The following ITGB5 variants were observed in gnomAD, a reference collection of about 807,000 sequenced individuals.
The protein encoded by ITGB5 is integrin subunit beta 5, also known as integrin beta-5.
A neutral mutation model predicts 84.8 loss-of-function variants in ITGB5; 38 were observed. The observed-to-expected ratio is 0.45, with a 90% confidence interval of 0.35 to 0.59. The LOEUF is 0.59. Among genes scored for constraint, ITGB5 ranks in the 20% least tolerant of loss-of-function variants. ITGB5 has a pLI of 0.01. For synonymous variants in ITGB5, 393 were observed against 414.4 expected (o/e 0.95, Z 0.63); for missense variants, 905 against 1,034.5 (o/e 0.87, Z 1.72).
intron 11 of ITGB5, among the ~76,000 whole-genome samples, chr3:124,772,047 G>A (rs2063853089): frequency 6.6e-6 from 1 of 151,560 alleles, no homozygotes; most frequent in African/African-American, 2.4e-5. Context: ...AGAAGCATAG[G>A]CTCAAAAAGG....
chr3:124,807,984 G>T (rs199613766), intron 9 of ITGB5, among the ~76,000 whole-genome samples: 3 of 132,100 alleles, frequency 2.3e-5, no homozygotes, highest in Admixed American at 7.7e-5. Context: ...AAAAAAAGAG[G>T]TATGTCTGTG....
chr3:124,764,430 T>G lies in ITGB5; in HGVS notation c.2265A>C (p.Ala755=), dbSNP rs1450104662. The G allele has an allele frequency of 1.2e-6, 2 of 1,613,678 alleles. No individual in the cohort carries two copies. Among genetic ancestry groups the G allele is most frequent in the Non-Finnish European group, 1.7e-6 (2 of 1,179,732 alleles). Residue 755 remains alanine, a synonymous_variant, in exon 14 of 15, where the codon GCA becomes GCC. Transcript: ENST00000296181. ...CCCTGGATCGCTCGCTCTGAAACTT[T>G]GCAAACTCCCTCCGGTCGTGGATGG... ...LVTIHDRREF[A]KFQSERSRAR...
At chr3:124,793,197 C>A (rs2064173926) in intron 10 of ITGB5, 1 of 152,206 alleles carries the variant, frequency 6.6e-6, no homozygotes, top group Non-Finnish European at 1.5e-5. Context: ...GCCTGATGAA[C>A]TGTGGAGATG....
At chr3:124,889,311 G>T (rs550679067), upstream of ITGB5, among the ~76,000 whole-genome samples, 1 of 152,344 alleles carries the variant, frequency 6.6e-6, no homozygotes, top group African/African-American at 2.4e-5. Context: ...GGACCCAAAA[G>T]AATGCAACCT....
At position 124,839,035 on chromosome 3, in the gene ITGB5, G is replaced by A. The variant is rs139625508; in HGVS notation, c.780+2348C>T. On this transcript the variant is annotated intron_variant, in intron 5 of 14. Coordinates refer to ENST00000296181, the MANE Select transcript of ITGB5 (RefSeq NM_002213.5). Reference sequence around the variant, plus strand: ...GAAGGATGACATGTTTTATAAGTAGGTGATGTCAAGTGAGAAATAAATTGC... The same window carrying A: ...GAAGGATGACATGTTTTATAAGTAGATGATGTCAAGTGAGAAATAAATTGC... 1.2e-3 allele frequency among the ~76,000 whole-genome samples: 184 copies of A among 152,328 alleles called. 1 individual carries two copies. The highest frequency in any genetic ancestry group is 4.2e-3 in the African/African-American group (174 of 41,564).
intron 2 of ITGB5, among the ~76,000 whole-genome samples, chr3:124,872,334 T>C (rs1934097455): frequency 6.6e-6 from 1 of 152,212 alleles, no homozygotes; most frequent in Admixed American, 6.5e-5. Context: ...GTTATTTTAC[T>C]GCTCTGAGTC....
At chr3:124,807,814 C>T (rs144645478) in intron 9 of ITGB5, among the ~76,000 whole-genome samples, 3,747 of 151,214 alleles carry the variant, frequency 0.025, 176 homozygotes, top group African/African-American at 0.086. Context: ...GGCTGGCGGG[C>T]GCCTGTAGTC....
intron 5 of ITGB5, among the ~76,000 whole-genome samples, chr3:124,838,392 A>G (rs1356098148): frequency 6.6e-6 from 1 of 152,146 alleles, no homozygotes; most frequent in Non-Finnish European, 1.5e-5. Context: ...TTTGTTTGCA[A>G]AACAGAAGTA....
At chr3:124,880,949 G>C (rs1272240862) in intron 1 of ITGB5, among the ~76,000 whole-genome samples, 1 of 151,712 alleles carries the variant, frequency 6.6e-6, no homozygotes, top group African/African-American at 2.4e-5. Context: ...AAAAAAGAAA[G>C]GGAAAAAGAA....
chr3:124,788,022 C>G (rs1007003716), intron 10 of ITGB5, among the ~76,000 whole-genome samples: 2 of 151,814 alleles, frequency 1.3e-5, no homozygotes, highest in Non-Finnish European at 1.5e-5. Flanking sequence ...GTCCTCCTAC[C>G]TCAGCCTCCC....
chr3:124,768,750 C>T (rs1309561805), intron 12 of ITGB5, among the ~76,000 whole-genome samples: 1 of 152,216 alleles, frequency 6.6e-6, no homozygotes, highest in East Asian at 1.9e-4. Flanking sequence ...ATCCTCTAGG[C>T]TGTATACCTG....
intron 1 of ITGB5, among the ~76,000 whole-genome samples, chr3:124,884,527 C>T (rs928311535): frequency 6.6e-6 from 1 of 152,086 alleles, no homozygotes; most frequent in African/African-American, 2.4e-5. Flanking sequence ...ATGGTGAAAC[C>T]CTGTCTCTAC....
intron 11 of ITGB5, chr3:124,770,069 A>G (rs1308690084): frequency 6.6e-6 from 1 of 152,284 alleles, no homozygotes; most frequent in Non-Finnish European, 1.5e-5. Flanking sequence ...CTGGGAGAAC[A>G]GGATTCCTGA....
chr3:124,831,928 T>C (rs2064865775), intron 5 of ITGB5, among the ~76,000 whole-genome samples: 1 of 152,100 alleles, frequency 6.6e-6, no homozygotes, highest in African/African-American at 2.4e-5. Context: ...AAATTAGGAA[T>C]GAGAAGGCAG....
At position 124,763,922 on chromosome 3, in the gene ITGB5, C is replaced by T. The variant is rs114318938; in HGVS notation, c.2305-204G>A. ...GCCTTCTCTAAGCTTTCACTATCCA[C>T]CTCTGGAAGGAGGAGTTGGGTCAGA... On this transcript the variant is annotated intron_variant, in intron 14 of 14. Coordinates refer to ENST00000296181, the MANE Select transcript of ITGB5 (RefSeq NM_002213.5). Among the ~76,000 whole-genome samples, 1,053 of 152,322 alleles carry T rather than the reference C, an allele frequency of 6.9e-3. 8 individuals carry two copies. The highest frequency in any genetic ancestry group is 0.023 in the African/African-American group (967 of 41,576).
chr3:124,900,326 C>T (rs900444009), intron 1 of ITGB5, among the ~76,000 whole-genome samples: 7 of 152,050 alleles, frequency 4.6e-5, no homozygotes, highest in Non-Finnish European at 8.8e-5. Flanking sequence ...TCATAATTAT[C>T]GTGAGAATTA....
upstream of ITGB5, among the ~76,000 whole-genome samples, chr3:124,892,453 G>A (rs900343703): frequency 2.0e-5 from 3 of 151,274 alleles, no homozygotes; most frequent in East Asian, 5.8e-4. Context: ...GGGAGGAAGG[G>A]GGGAGGGAGG....
At chr3:124,800,942 A>G (rs1048834684) in intron 9 of ITGB5, among the ~76,000 whole-genome samples, 1 of 152,150 alleles carries the variant, frequency 6.6e-6, no homozygotes. Flanking sequence ...CGGTCTTGTT[A>G]TTAGAACTTC....
chr3:124,860,407 A>G (rs749950789), intron 2 of ITGB5, among the ~76,000 whole-genome samples: 4 of 152,210 alleles, frequency 2.6e-5, no homozygotes, highest in Non-Finnish European at 4.4e-5. Context: ...GTGTTATAGT[A>G]AAGTGACAAA....
Sources: gnomAD v4.1 joint callset for allele counts (sites outside exome capture counted in the v4.1 genomes callset) on GRCh38, gnomAD v4.1.1 for gene constraint, MANE v1.5 for transcripts, NCBI Gene and HGNC (gene_info 2026-07-23, HGNC 2026-07-21) for gene names.